Variants in ABI1 observed in about 807,000 individuals in gnomAD.
ABI1 encodes abl interactor 1, also known as Abelson interactor 1.
ABI1 carries 14 observed loss-of-function variants against 54.6 expected under a neutral mutation model. That is an observed-to-expected ratio of 0.26 (90% CI 0.17 to 0.40). The LOEUF (loss-of-function observed/expected upper bound fraction) is 0.40, where lower values mean the gene tolerates loss of function less well. Ranked by LOEUF, ABI1 falls within the 10% of genes least tolerant of loss-of-function variation. The pLI is 1.00. For synonymous variants in ABI1, 194 were observed against 209.3 expected (o/e 0.93, Z 0.63); for missense variants, 443 against 598.3 (o/e 0.74, Z 2.71).
chr10:26,758,090 A>C (rs1301491879), intron 8 of ABI1, among the ~76,000 whole-genome samples: 2 of 151,414 alleles, frequency 1.3e-5, no homozygotes, highest in Non-Finnish European at 2.9e-5. Flanking sequence ...AAAAAAAAAA[A>C]AAAACTTTCC....
chr10:26,770,441 A>C, intron 4 of ABI1, 96 bp from the exon 5 acceptor site: 1 of 1,197,682 alleles, frequency 8.3e-7, no homozygotes, highest in Non-Finnish European at 1.2e-6. Flanking sequence ...CAGAATGTGA[A>C]TTAAGGATTC....
chr10:26,847,841 T>C (rs1009013921), intron 1 of ABI1, among the ~76,000 whole-genome samples: 1 of 151,992 alleles, frequency 6.6e-6, no homozygotes, highest in African/African-American at 2.4e-5. Context: ...TTTTTTGTCC[T>C]TTTCTCCCAC....
intron 1 of ABI1, among the ~76,000 whole-genome samples, chr10:26,834,825 G>A (rs771762964): frequency 4.7e-5 from 7 of 150,532 alleles, no homozygotes; most frequent in African/African-American, 9.8e-5. Flanking sequence ...AAATTAAGCC[G>A]GGCACAGTAG....
At chr10:26,839,963 C>T (rs1383299620) in intron 1 of ABI1, among the ~76,000 whole-genome samples, 5 of 151,750 alleles carry the variant, frequency 3.3e-5, no homozygotes, top group South Asian at 4.2e-4. Flanking sequence ...GCACTCCAGC[C>T]GGGGTGACAT....
intron 3 of ABI1, among the ~76,000 whole-genome samples, chr10:26,775,456 ATGTG>A (rs1841268305): frequency 1.3e-5 from 2 of 152,104 alleles, no homozygotes; most frequent in South Asian, 4.2e-4. Context: ...ATTTTATGTT[ATGTG>A]TATCTCACCA....
At chr10:26,756,117 T>C (rs540670319) in intron 8 of ABI1, among the ~76,000 whole-genome samples, 1 of 152,322 alleles carries the variant, frequency 6.6e-6, no homozygotes, top group Non-Finnish European at 1.5e-5. Flanking sequence ...AATACCTACA[T>C]AGGTTTCCAG....
intron 7 of ABI1, among the ~76,000 whole-genome samples, chr10:26,764,121 G>A (rs1014497441): frequency 1.3e-5 from 2 of 152,136 alleles, no homozygotes; most frequent in Non-Finnish European, 2.9e-5. Context: ...AGAGGCTACC[G>A]AGTTTATACC....
intron 1 of ABI1, among the ~76,000 whole-genome samples, chr10:26,835,427 T>C (rs1470153409): frequency 6.6e-6 from 1 of 151,896 alleles, no homozygotes; most frequent in African/African-American, 2.4e-5. Flanking sequence ...ATTTAAAAAT[T>C]AGCAGGGTGT....
intron 2 of ABI1, among the ~76,000 whole-genome samples, chr10:26,822,173 T>C (rs1208507355): frequency 3.3e-5 from 5 of 152,102 alleles, no homozygotes. Flanking sequence ...TATATATATA[T>C]ACATACACAC....
chr10:26,822,185 C>T (rs1453393708), intron 2 of ABI1, among the ~76,000 whole-genome samples: 3 of 152,120 alleles, frequency 2.0e-5, no homozygotes, highest in African/African-American at 4.8e-5. Context: ...CATACACACA[C>T]ATATATATGA....
intron 2 of ABI1, among the ~76,000 whole-genome samples, chr10:26,810,442 C>T (rs186997079): frequency 9.9e-4 from 150 of 152,228 alleles, no homozygotes; most frequent in African/African-American, 3.1e-3. Context: ...AATAGAGAAA[C>T]CGGTGTTAAA....
At chr10:26,837,262 TCTTCTTGG>T (rs1394973590) in intron 1 of ABI1, among the ~76,000 whole-genome samples, 1 of 152,186 alleles carries the variant, frequency 6.6e-6, no homozygotes, top group Non-Finnish European at 1.5e-5. Flanking sequence ...GCAAGGGATT[TCTTCTTGG>T]CTTGCAGACA....
intron 1 of ABI1, among the ~76,000 whole-genome samples, chr10:26,854,519 G>C (rs2050661843): frequency 6.6e-6 from 1 of 151,680 alleles, no homozygotes; most frequent in Admixed American, 6.6e-5. Context: ...GCTCTACCCA[G>C]CCCTGTATCA....
At chr10:26,811,583 A>G (rs1479774255) in intron 2 of ABI1, among the ~76,000 whole-genome samples, 5 of 152,202 alleles carry the variant, frequency 3.3e-5, no homozygotes, top group Non-Finnish European at 7.4e-5. Flanking sequence ...GATAAAAAAT[A>G]CTATTTCATA....
intron 1 of ABI1, among the ~76,000 whole-genome samples, chr10:26,825,034 G>A (rs930678967): frequency 1.1e-4 from 16 of 152,194 alleles, no homozygotes; most frequent in Non-Finnish European, 2.1e-4. Context: ...TTGTGTGCTG[G>A]TGGAGGGCTT....
intron 1 of ABI1, among the ~76,000 whole-genome samples, chr10:26,832,776 G>A (rs1002897658): frequency 1.3e-5 from 2 of 152,026 alleles, no homozygotes; most frequent in African/African-American, 4.8e-5. Flanking sequence ...AACCTTCCAG[G>A]AAGAATCCAT....
intron 9 of ABI1, among the ~76,000 whole-genome samples, chr10:26,752,877 A>G (rs1837808768): frequency 1.3e-5 from 2 of 152,176 alleles, no homozygotes; most frequent in African/African-American, 4.8e-5. Flanking sequence ...TAAAAGTTCA[A>G]AAGACATATG....
At chr10:26,757,385 A>G (rs548912661) in intron 8 of ABI1, among the ~76,000 whole-genome samples, 99 of 149,360 alleles carry the variant, frequency 6.6e-4, no homozygotes, top group African/African-American at 2.4e-3. Flanking sequence ...TGCTAAAATA[A>G]AACTATAAAA....
In ABI1 at chr10:26,746,850, G is replaced by T. The variant is rs74547466; in HGVS notation, c.*1720C>A. On this transcript the variant is annotated 3_prime_UTR_variant, in exon 11 of 11. Transcript: ENST00000376140. ...TAAAGGTCAGAAAAATGTGAAGTCT[G>T]CATTGAAGTCCACATGAGTTATATT... The T allele has an allele frequency of 0.025, 8,837 of 354,860 alleles. 135 individuals carry two copies. The highest frequency in any genetic ancestry group is 0.032 in the Non-Finnish European group (6,106 of 188,830). 22.0% of individuals were successfully genotyped at this position (354,860 alleles called of 1,614,324 possible).
Sources: allele counts gnomAD v4.1 joint callset (sites outside exome capture counted in the v4.1 genomes callset), GRCh38; gene constraint gnomAD v4.1.1; transcripts MANE v1.5; gene names NCBI Gene and HGNC (gene_info 2026-07-23, HGNC 2026-07-21).